The following WDR59 variants were observed in gnomAD, a reference collection of about 807,000 sequenced individuals.
WDR59 encodes the protein WD repeat domain 59.
Under a neutral mutation model 131.2 loss-of-function variants are expected in WDR59, and 100 were observed. That is an observed-to-expected ratio of 0.76 (90% CI 0.65 to 0.90). The LOEUF (loss-of-function observed/expected upper bound fraction) is 0.90, where lower values mean the gene tolerates loss of function less well. WDR59 is among the 40% of genes least tolerant of loss of function. The pLI is 0.00. For synonymous variants in WDR59, 601 were observed against 466.2 expected, an observed-to-expected ratio of 1.29 and a Z score of -3.72; for missense variants, 1,203 against 1,262.2, an observed-to-expected ratio of 0.95 and a Z score of 0.71.
rs2034565809 is a variant in WDR59, at chr16:74,984,939, G to C, written c.54+25C>G. The C allele has an allele frequency of 1.9e-6, 3 of 1,600,830 alleles. No homozygotes were observed. The East Asian group carries it at 6.8e-5, about 36-fold the overall frequency. The stretch of plus-strand genomic sequence containing the variant: ...GAAGCGGGGAGGACGCATGCCCAGA[G>C]GGCTCCACTCGGCCTCTAGCTCACC... On this transcript the variant is annotated intron_variant, in intron 1 of 25. Transcript: ENST00000262144.
At chr16:74,898,597 T>C (rs1965401703) in intron 18 of WDR59, among the ~76,000 whole-genome samples, 1 of 152,306 alleles carries the variant, frequency 6.6e-6, no homozygotes, top group Middle Eastern at 3.4e-3. Flanking sequence ...CAAATAGCAC[T>C]GAATGACAAC....
rs890414437 is a variant in WDR59, at chr16:74,873,836, C to T, written c.*373G>A. 4 of 197,210 alleles carry T rather than the reference C, an allele frequency of 2.0e-5. No homozygotes were observed. The highest frequency in any genetic ancestry group is 1.2e-4 in the South Asian group (1 of 8,638). The allele number at this position is 197,210 out of a possible 1,614,324, so 12.2% of individuals were successfully genotyped here. On this transcript the variant is annotated 3_prime_UTR_variant, in exon 26 of 26. Coordinates refer to ENST00000262144, the MANE Select transcript of WDR59 (RefSeq NM_030581.4). ...CGGGCATCTGACTCTGGTCTCTGCACTGGCATCAAGAGAACGCTGCTCGGT... is the reference window on the plus strand; with the variant it reads ...CGGGCATCTGACTCTGGTCTCTGCATTGGCATCAAGAGAACGCTGCTCGGT...
intron 25 of WDR59, among the ~76,000 whole-genome samples, chr16:74,880,124 G>A (rs1964407803): frequency 6.6e-6 from 1 of 152,124 alleles, no homozygotes; most frequent in Non-Finnish European, 1.5e-5. Flanking sequence ...TGCCCAAAAT[G>A]TCACATTTAG....
chr16:74,881,838 A>G (rs61477950), intron 25 of WDR59, among the ~76,000 whole-genome samples: 1 of 145,950 alleles, frequency 6.9e-6, no homozygotes, highest in East Asian at 2.0e-4. Context: ...GTTCCATTGC[A>G]CTCCAGCCTG....
intron 8 of WDR59, among the ~76,000 whole-genome samples, chr16:74,934,303 A>G (rs187274256): frequency 1.3e-5 from 2 of 152,102 alleles, no homozygotes; most frequent in African/African-American, 4.8e-5. Flanking sequence ...TAGCAAGATT[A>G]ATCCTTTTTT....
intron 22 of WDR59, 52 bp downstream of exon 22, chr16:74,888,117 C>CAAAAA (rs35324656): frequency 3.2e-6 from 4 of 1,235,478 alleles, no homozygotes; most frequent in South Asian, 1.8e-5. Flanking sequence ...AACTCCGTCT[C>CAAAAA]AAAAAAAAAA....
At chr16:74,942,974 C>T in intron 6 of WDR59, 148 bp from the exon 7 acceptor site, 1 of 670,958 alleles carries the variant, frequency 1.5e-6, no homozygotes, top group Non-Finnish European at 2.6e-6. Context: ...TCCACTATTC[C>T]AGATAAAATG....
rs545112937 is a variant in WDR59, at chr16:74,928,731, G to A, written c.652-4728C>T. Among the ~76,000 whole-genome samples, 58 of 152,058 alleles carry A rather than the reference G, an allele frequency of 3.8e-4. No homozygotes were observed. In the South Asian group the frequency reaches 0.011, roughly 29 times the overall value. The stretch of plus-strand genomic sequence containing the variant: ...AGCCTGGTCACCATGGCGAAACCCT[G>A]TCTCAATTGAAAAAAGAAAATACAA... On this transcript the variant is annotated intron_variant, in intron 8 of 25. Coordinates refer to ENST00000262144, the MANE Select transcript of WDR59 (RefSeq NM_030581.4).
intron 7 of WDR59, among the ~76,000 whole-genome samples, chr16:74,939,049 C>T (rs1376548671): frequency 2.6e-5 from 4 of 151,754 alleles, no homozygotes; most frequent in Non-Finnish European, 5.9e-5. Flanking sequence ...ATAAACAGGC[C>T]GGGCACGGTG....
At chr16:74,879,113 G>A (rs932637409) in intron 25 of WDR59, among the ~76,000 whole-genome samples, 5 of 152,228 alleles carry the variant, frequency 3.3e-5, no homozygotes, top group African/African-American at 1.2e-4. Flanking sequence ...AGCACTTTGT[G>A]AGGCCGAGGT....
intron 21 of WDR59, among the ~76,000 whole-genome samples, chr16:74,889,497 T>C (rs1964935898): frequency 6.6e-6 from 1 of 152,184 alleles, no homozygotes; most frequent in South Asian, 2.1e-4. Flanking sequence ...AAATCCTTGT[T>C]ATAAATGACA....
rs143821360 is a variant in WDR59, at chr16:74,974,936, T to C, written c.55-9114A>G. The stretch of plus-strand genomic sequence containing the variant: ...GCCATTTGCCTTTTCCCTTTGATTC[T>C]GCATTGTGTCCTTTTGCTGTAATAT... On this transcript the variant is annotated intron_variant, in intron 1 of 25. Transcript: ENST00000262144. 1.0e-3 allele frequency among the ~76,000 whole-genome samples: 152 copies of C among 152,360 alleles called. 1 individual carries two copies. The highest frequency in any genetic ancestry group is 3.5e-3 in the African/African-American group (147 of 41,602).
intron 8 of WDR59, among the ~76,000 whole-genome samples, chr16:74,934,561 C>T (rs2031647872): frequency 6.6e-6 from 1 of 152,140 alleles, no homozygotes; most frequent in African/African-American, 2.4e-5. Context: ...TAACCGGAGC[C>T]ATTCCATCCC....
intron 1 of WDR59, among the ~76,000 whole-genome samples, chr16:74,977,617 G>C (rs2034239612): frequency 2.0e-5 from 3 of 152,168 alleles, no homozygotes. Flanking sequence ...GAACCCGGGA[G>C]GCGGAGCTTG....
At chr16:74,962,798 T>A (rs1412338708) in intron 2 of WDR59, 2 of 151,900 alleles carry the variant, frequency 1.3e-5, no homozygotes, top group African/African-American at 2.4e-5. Flanking sequence ...CTCTTCCTAT[T>A]TGAATATTCA....
intron 13 of WDR59, among the ~76,000 whole-genome samples, chr16:74,915,276 C>T (rs374229002): frequency 1.3e-5 from 2 of 152,116 alleles, no homozygotes; most frequent in African/African-American, 2.4e-5. Context: ...AAGTATCTTC[C>T]TCTACAGTAA....
intron 7 of WDR59, 44 bp from the exon 8 acceptor site, chr16:74,938,310 CT>C: frequency 7.5e-7 from 1 of 1,324,742 alleles, no homozygotes; most frequent in Non-Finnish European, 1.0e-6. Context: ...AGAAAGAACT[CT>C]TTGAGTGTCT....
At chr16:74,885,038 G>A (rs538604253) in intron 25 of WDR59, among the ~76,000 whole-genome samples, 1 of 152,228 alleles carries the variant, frequency 6.6e-6, no homozygotes, top group South Asian at 2.1e-4. Context: ...CTCCATGGGG[G>A]GAAGGAATGT....
intron 3 of WDR59, among the ~76,000 whole-genome samples, chr16:74,953,073 A>T (rs764042284): frequency 6.6e-6 from 1 of 152,114 alleles, no homozygotes; most frequent in Non-Finnish European, 1.5e-5. Context: ...CACATTATAG[A>T]TGAGGCAAGC....
Sources: allele counts gnomAD v4.1 joint callset (sites outside exome capture counted in the v4.1 genomes callset), GRCh38; gene constraint gnomAD v4.1.1; transcripts MANE v1.5; gene names NCBI Gene and HGNC (gene_info 2026-07-23, HGNC 2026-07-21).